Variants in MRGPRX3 observed in about 807,000 individuals in gnomAD.
MRGPRX3 encodes the protein mas-related G protein-coupled receptor member X3.
A neutral mutation model predicts 16.5 loss-of-function variants in MRGPRX3; 14 were observed. The ratio of observed to expected loss-of-function variants is 0.85; its 90% CI spans 0.56 to 1.33. MRGPRX3 has a LOEUF of 1.33. Among genes scored for constraint, MRGPRX3 ranks in the 40% most tolerant of loss-of-function variants. MRGPRX3 has a pLI of 0.00. For missense variants in MRGPRX3, 449 were observed against 413.0 expected (o/e 1.09, Z -0.76); for synonymous variants, 199 against 180.1 (o/e 1.10, Z -0.84).
chr11:18,137,003 A>G (rs552909772), intron 1 of MRGPRX3, among the ~76,000 whole-genome samples, 175 bp from the exon 2 acceptor site: 11 of 152,300 alleles, frequency 7.2e-5, no homozygotes, highest in South Asian at 6.2e-4. Flanking sequence ...TTCAGAGTCA[A>G]CAAGAACTGG....
intron 1 of MRGPRX3, among the ~76,000 whole-genome samples, chr11:18,122,438 T>C (rs1049442615): frequency 6.6e-6 from 1 of 152,162 alleles, no homozygotes; most frequent in Non-Finnish European, 1.5e-5. Flanking sequence ...ATATGTGGTG[T>C]TTGGTTTTCT....
At position 18,137,811 on chromosome 11, in the gene MRGPRX3, C is replaced by A; in HGVS notation, c.609C>A (p.Leu203=). The change falls in exon 2 of 2, where the codon CTC becomes CTA. Residue 203 remains leucine, a synonymous_variant. Transcript: ENST00000621697. ...GCCTGGTCCTGCTGGTCAGGATTCT[C>A]TGTGGATCCCGGAAGATGCCGCTGA... The part of the protein sequence containing the change: ...GSSLVLLVRI[L]CGSRKMPLTR... 1.2e-6 allele frequency: 2 copies of A among 1,614,214 alleles called. No homozygotes were observed. Among genetic ancestry groups the A allele is most frequent in the Non-Finnish European group, 1.7e-6 (2 of 1,180,042 alleles).
intron 1 of MRGPRX3, among the ~76,000 whole-genome samples, chr11:18,125,201 T>C (rs1168124821): frequency 2.6e-5 from 4 of 152,218 alleles, no homozygotes; most frequent in Non-Finnish European, 5.9e-5. Context: ...AGTTCTACTC[T>C]GATCTTAGTT....
chr11:18,125,399 C>T (rs552769575), intron 1 of MRGPRX3, among the ~76,000 whole-genome samples: 7 of 152,202 alleles, frequency 4.6e-5, no homozygotes, highest in Admixed American at 2.6e-4. Context: ...TCTTTGTTCT[C>T]GTTGGTTTCA....
At position 18,137,382 on chromosome 11, in the gene MRGPRX3, T is replaced by C. The variant is rs773270095; in HGVS notation, c.180T>C (p.Ala60=). ...WLLGCRMRRN[A]VSIYILNLVA... Reference sequence around the variant, plus strand: ...TGGGCTGCCGCATGCGCAGGAACGCTGTCTCCATCTACATCCTCAACCTGG... The same window carrying C: ...TGGGCTGCCGCATGCGCAGGAACGCCGTCTCCATCTACATCCTCAACCTGG... The change falls in exon 2 of 2, where the codon GCT becomes GCC. Residue 60 remains alanine (A), a synonymous_variant. Transcript: ENST00000621697. The C allele has an allele frequency of 1.3e-4, 207 of 1,614,098 alleles. 1 individual carries two copies. In the Admixed American group the frequency reaches 3.1e-3, roughly 24 times the overall value.
At chr11:18,129,659 G>A (rs189224341), upstream of MRGPRX3, among the ~76,000 whole-genome samples, 1 of 152,124 alleles carries the variant, frequency 6.6e-6, no homozygotes, top group Admixed American at 6.5e-5. Context: ...AAAGAAAGAG[G>A]GAATCCTGCC....
intron 1 of MRGPRX3, among the ~76,000 whole-genome samples, chr11:18,134,001 G>A (rs534935947): frequency 3.3e-5 from 5 of 152,296 alleles, no homozygotes; most frequent in East Asian, 3.9e-4. Context: ...CATGGTAAAT[G>A]AGACTATCCC....
Position 18,137,937 on chromosome 11 carries a change from T to C in MRGPRX3, c.735T>C (p.Asp245=). Reference sequence around the variant, plus strand: ...CCCTGTTTTCCAGGATCCACCTGGATTGGAAAGTCTTATTTTGTCATGTGC... The same window carrying C: ...CCCTGTTTTCCAGGATCCACCTGGACTGGAAAGTCTTATTTTGTCATGTGC... The part of the protein sequence containing the change: ...QWALFSRIHL[D]WKVLFCHVHL... Residue 245 remains aspartate, a synonymous_variant, in exon 2 of 2, where the codon GAT becomes GAC. Transcript: ENST00000621697. 6.2e-7 allele frequency: 1 copy of C among 1,614,220 alleles called. No individual in the cohort carries two copies. Among genetic ancestry groups the C allele is most frequent in the Non-Finnish European group, 8.5e-7 (1 of 1,180,048 alleles).
intron 1 of MRGPRX3, among the ~76,000 whole-genome samples, chr11:18,126,223 G>T (rs1401951646): frequency 6.6e-6 from 1 of 152,170 alleles, no homozygotes; most frequent in Non-Finnish European, 1.5e-5. Flanking sequence ...ATGTGAATTT[G>T]ATCCTGTCAT....
chr11:18,132,221 G>C (rs572453482), upstream of MRGPRX3, among the ~76,000 whole-genome samples: 7 of 152,170 alleles, frequency 4.6e-5, no homozygotes, highest in Non-Finnish European at 8.8e-5. Flanking sequence ...CATTTGGAAA[G>C]AAAGTATACA....
intron 1 of MRGPRX3, among the ~76,000 whole-genome samples, chr11:18,122,547 T>C (rs1848850879): frequency 6.6e-6 from 1 of 152,258 alleles, no homozygotes; most frequent in Non-Finnish European, 1.5e-5. Context: ...TAGTATTCCA[T>C]GGTGTATATG....
intron 1 of MRGPRX3, among the ~76,000 whole-genome samples, chr11:18,126,365 G>GTT (rs1848895733): frequency 6.6e-6 from 1 of 152,006 alleles, no homozygotes; most frequent in Non-Finnish European, 1.5e-5. Flanking sequence ...CTTCCTTCAG[G>GTT]AGCTCTTTTA....
chr11:18,136,793 A>G (rs574571234), intron 1 of MRGPRX3, among the ~76,000 whole-genome samples: 6 of 152,302 alleles, frequency 3.9e-5, no homozygotes, highest in Non-Finnish European at 7.4e-5. Flanking sequence ...TTTCCTGTCC[A>G]GAGATGACCA....
At position 18,138,242 on chromosome 11, in the gene MRGPRX3, C is replaced by T; in HGVS notation, c.*71C>T. 3 of 1,518,916 alleles carry T rather than the reference C, an allele frequency of 2.0e-6. No homozygotes were observed. Among genetic ancestry groups the T allele is most frequent in the Non-Finnish European group, 2.6e-6 (3 of 1,135,614 alleles). The allele number at this position is 1,518,916 out of a possible 1,614,324, so 94.1% of individuals were successfully genotyped here. On this transcript the variant is annotated 3_prime_UTR_variant, in exon 2 of 2. Coordinates refer to ENST00000621697, the MANE Select transcript of MRGPRX3 (RefSeq NM_001370464.1). ...CCCTGCCACCCTTGACAATTATATG[C>T]ATTTTTCTTAGCCTTCTGCCTCAGA...
chr11:18,127,630 T>G (rs1348403997), upstream of MRGPRX3, among the ~76,000 whole-genome samples: 1 of 152,274 alleles, frequency 6.6e-6, no homozygotes, highest in African/African-American at 2.4e-5. Flanking sequence ...ATCAGGTCCT[T>G]TAAGGACTTC....
At chr11:18,133,060 G>T (rs979478415) in intron 1 of MRGPRX3, among the ~76,000 whole-genome samples, 1 of 152,124 alleles carries the variant, frequency 6.6e-6, no homozygotes, top group African/African-American at 2.4e-5. Flanking sequence ...TCCCAGAGTT[G>T]AACTGCTATA....
chr11:18,131,817 A>G (rs998530567), upstream of MRGPRX3, among the ~76,000 whole-genome samples: 3 of 152,180 alleles, frequency 2.0e-5, no homozygotes, highest in Non-Finnish European at 4.4e-5. Flanking sequence ...ATGGAAAACC[A>G]AACATCATAT....
chr11:18,134,375 C>A (rs1848989529), intron 1 of MRGPRX3, among the ~76,000 whole-genome samples: 1 of 152,120 alleles, frequency 6.6e-6, no homozygotes, highest in Non-Finnish European at 1.5e-5. Flanking sequence ...ATGTACTGAA[C>A]AGGTACAAAC....
upstream of MRGPRX3, among the ~76,000 whole-genome samples, chr11:18,129,950 G>T (rs1399221546): frequency 1.3e-5 from 2 of 152,162 alleles, no homozygotes; most frequent in Non-Finnish European, 2.9e-5. Context: ...CTCAATAGAT[G>T]CTGAAAAAGC....
Sources: gnomAD v4.1 joint callset for allele counts (sites outside exome capture counted in the v4.1 genomes callset) on GRCh38, gnomAD v4.1.1 for gene constraint, MANE v1.5 for transcripts, NCBI Gene and HGNC (gene_info 2026-07-23, HGNC 2026-07-21) for gene names.